Variants in EFCAB6 observed in about 807,000 individuals in gnomAD.
EFCAB6 encodes EF-hand calcium binding domain 6.
EFCAB6 carries 156 observed loss-of-function variants against 169.8 expected under a neutral mutation model. The ratio of observed to expected loss-of-function variants is 0.92; its 90% CI spans 0.81 to 1.05. The LOEUF (loss-of-function observed/expected upper bound fraction) is 1.05, where lower values mean the gene tolerates loss of function less well. Among genes scored for constraint, EFCAB6 ranks in the 50% least tolerant of loss-of-function variants. EFCAB6 has a pLI of 0.00. For missense variants in EFCAB6, 1,800 were observed against 1,829.1 expected, an observed-to-expected ratio of 0.98 and a Z score of 0.29; for synonymous variants, 698 against 676.4, an observed-to-expected ratio of 1.03 and a Z score of -0.50.
rs774216386 is a variant in EFCAB6 at position 43,683,704 on chromosome 22, G to A, written c.1251+43C>T. 4 of 1,388,898 alleles carry A rather than the reference G, an allele frequency of 2.9e-6. No homozygotes were observed. The South Asian group carries it at 4.6e-5, about 16-fold the overall frequency. 86.0% of individuals were successfully genotyped at this position (1,388,898 alleles called of 1,614,324 possible). A position where few individuals can be genotyped will look rare whatever the true frequency, so the allele number is the denominator to read the frequency against. On this transcript the variant is annotated intron_variant, in intron 12 of 31. Coordinates refer to ENST00000262726, the MANE Select transcript of EFCAB6 (RefSeq NM_022785.4). ...CTTGTTCTGAGTGTTTGCATTCTTAGAAACAATGAGTGTTTCACAAGAGAA... is the reference window on the plus strand; with the variant it reads ...CTTGTTCTGAGTGTTTGCATTCTTAAAAACAATGAGTGTTTCACAAGAGAA...
In EFCAB6 at chr22:43,538,608, C is replaced by T. The variant is rs574132728; in HGVS notation, c.3880-1063G>A. ...TTCCCCATGTTGGCCAGGATGGTAT[C>T]GATCTCTTGACCTCATGATCCACCT... is the stretch of plus-strand genomic sequence containing the variant. On this transcript the variant is annotated intron_variant, in intron 28 of 31. Transcript: ENST00000262726. Among the ~76,000 whole-genome samples, 12 of 152,258 alleles carry T rather than the reference C, an allele frequency of 7.9e-5. No individual in the cohort carries two copies. The East Asian group carries it at 1.5e-3, about 20-fold the overall frequency.
chr22:43,778,075 C>T (rs1044118497), intron 3 of EFCAB6, among the ~76,000 whole-genome samples: 4 of 152,110 alleles, frequency 2.6e-5, no homozygotes, highest in African/African-American at 9.7e-5. Context: ...AAAGAAACTA[C>T]AATTCAGGAA....
At chr22:43,762,927 G>C (rs1603344058) in intron 5 of EFCAB6, among the ~76,000 whole-genome samples, 1 of 152,318 alleles carries the variant, frequency 6.6e-6, no homozygotes, top group East Asian at 1.9e-4. Context: ...TCATTCTTTT[G>C]AAAGAGCCTG....
At chr22:43,770,392 G>T (rs368732216) in intron 4 of EFCAB6, among the ~76,000 whole-genome samples, 4 of 152,148 alleles carry the variant, frequency 2.6e-5, no homozygotes, top group African/African-American at 9.7e-5. Context: ...CCCTCTCAAT[G>T]GAAAAGACCA....
intron 20 of EFCAB6, among the ~76,000 whole-genome samples, chr22:43,620,326 G>T (rs1237365844): frequency 6.7e-6 from 1 of 150,070 alleles, no homozygotes; most frequent in South Asian, 2.1e-4. Flanking sequence ...GAAAAGAAAA[G>T]AAAAAAGAAA....
intron 1 of EFCAB6, among the ~76,000 whole-genome samples, chr22:43,809,794 T>C (rs1291251705): frequency 1.3e-5 from 2 of 152,062 alleles, no homozygotes; most frequent in African/African-American, 4.8e-5. Flanking sequence ...TTAGTAGAGA[T>C]AGGGTCTCAC....
chr22:43,554,857 G>T lies in EFCAB6; in HGVS notation c.3648+12C>A, dbSNP rs2147071526. On this transcript the variant is annotated intron_variant, in intron 27 of 31. Transcript: ENST00000262726. ...ACGGTGTGCAGGGTGAGGACTGACT[G>T]GCGTTTCTTACCTGTTCGTCCGTCA... 1 of 1,613,158 alleles carries T rather than the reference G, an allele frequency of 6.2e-7. No individual in the cohort carries two copies. Among genetic ancestry groups the T allele is most frequent in the South Asian group, 1.1e-5 (1 of 91,060 alleles).
chr22:43,673,743 G>A (rs1024257487), intron 13 of EFCAB6, among the ~76,000 whole-genome samples: 2 of 152,136 alleles, frequency 1.3e-5, no homozygotes, highest in African/African-American at 4.8e-5. Flanking sequence ...TCATGTCACT[G>A]CACTCCAGCC....
chr22:43,667,910 G>A lies in EFCAB6; in HGVS notation c.1815-638C>T, dbSNP rs1471366792. Among the ~76,000 whole-genome samples, 4 of 152,116 alleles carry A rather than the reference G, an allele frequency of 2.6e-5. No homozygotes were observed. In the South Asian group the frequency reaches 8.3e-4, roughly 32 times the overall value. On this transcript the variant is annotated intron_variant, in intron 16 of 31. Transcript: ENST00000262726. ...AAGTCTCTTGCGCCCCATATTTTTG[G>A]GGAAAAAACAGCCCTGAGACAGTCA...
intron 21 of EFCAB6, among the ~76,000 whole-genome samples, chr22:43,608,854 T>G (rs1293764529): frequency 2.0e-5 from 3 of 152,060 alleles, no homozygotes; most frequent in Non-Finnish European, 4.4e-5. Context: ...CCTGGATTCT[T>G]CTCCTGATCA....
chr22:43,672,191 G>A (rs530520241), intron 14 of EFCAB6, 55 bp downstream of exon 14: 2 of 1,613,722 alleles, frequency 1.2e-6, no homozygotes, highest in East Asian at 2.2e-5. Context: ...TCTTGTAACA[G>A]TAACCTCAAA....
At chr22:43,555,187 AC>A in intron 26 of EFCAB6, 91 bp from the exon 27 acceptor site, 1 of 1,376,482 alleles carries the variant, frequency 7.3e-7, no homozygotes, top group Non-Finnish European at 1.0e-6. Flanking sequence ...TTGCAGGGAG[AC>A]CCAGCGTGGT....
chr22:43,605,905 C>T (rs79879730), intron 22 of EFCAB6, among the ~76,000 whole-genome samples: 2,992 of 152,154 alleles, frequency 0.02, 101 homozygotes, highest in African/African-American at 0.069. Flanking sequence ...CAGGAAGTAG[C>T]TCATCTAATG....
At chr22:43,568,863 C>A (rs142630029) in intron 26 of EFCAB6, among the ~76,000 whole-genome samples, 9 of 152,312 alleles carry the variant, frequency 5.9e-5, no homozygotes, top group African/African-American at 2.2e-4. Flanking sequence ...CCAACTTCAC[C>A]AACAGGTTCA....
At chr22:43,561,186 G>A (rs551616609) in intron 26 of EFCAB6, among the ~76,000 whole-genome samples, 96 of 152,004 alleles carry the variant, frequency 6.3e-4, no homozygotes, top group African/African-American at 2.2e-3. Flanking sequence ...GCGAAAGTTC[G>A]TCTTTACCAA....
At chr22:43,605,598 C>A (rs997158880) in intron 22 of EFCAB6, among the ~76,000 whole-genome samples, 1 of 150,964 alleles carries the variant, frequency 6.6e-6, no homozygotes, top group Admixed American at 6.6e-5. Context: ...AGCTGAGAAT[C>A]GTGCCACTGC....
At chr22:43,683,554 C>CT (rs2058081800) in intron 12 of EFCAB6, 193 bp downstream of exon 12, 1 of 565,342 alleles carries the variant, frequency 1.8e-6, no homozygotes, top group African/African-American at 1.9e-5. Context: ...GTCTTCCCAA[C>CT]TAGACTCAAC....
chr22:43,541,063 T>C (rs901316796), intron 27 of EFCAB6, among the ~76,000 whole-genome samples: 8 of 152,126 alleles, frequency 5.3e-5, no homozygotes, highest in Admixed American at 3.9e-4. Context: ...TCCTTCCAAT[T>C]TGATTTTTGC....
In EFCAB6 at chr22:43,780,964, G is replaced by A. The variant is rs142151712; in HGVS notation, c.139+1216C>T. 6.8e-3 allele frequency among the ~76,000 whole-genome samples: 1,037 copies of A among 152,288 alleles called. 8 individuals are homozygous for A. Among genetic ancestry groups the A allele is most frequent in the South Asian group, 0.017 (81 of 4,824 alleles). On this transcript the variant is annotated intron_variant, in intron 3 of 31. Coordinates refer to ENST00000262726, the MANE Select transcript of EFCAB6 (RefSeq NM_022785.4). ...TGTGTTCATGCAGTGCTTTGTAAGT[G>A]CGTCTTACGGCATTTGGCTCACGCT...
Sources: gnomAD v4.1 joint callset for allele counts (sites outside exome capture counted in the v4.1 genomes callset) on GRCh38, gnomAD v4.1.1 for gene constraint, MANE v1.5 for transcripts, NCBI Gene and HGNC (gene_info 2026-07-23, HGNC 2026-07-21) for gene names.